Variants in EZH1 observed in about 807,000 individuals in gnomAD.
EZH1 encodes the protein enhancer of zeste 1 polycomb repressive complex 2 subunit, also known as histone-lysine N-methyltransferase EZH1.
A neutral mutation model predicts 100.5 loss-of-function variants in EZH1; 33 were observed. That is an observed-to-expected ratio of 0.33 (90% CI 0.25 to 0.44). The LOEUF is 0.44. EZH1 is among the 20% of genes least tolerant of loss of function. EZH1 has a pLI of 1.00. For missense variants in EZH1, 475 were observed against 928.4 expected, an observed-to-expected ratio of 0.51 and a Z score of 6.35; for synonymous variants, 272 against 313.8, an observed-to-expected ratio of 0.87 and a Z score of 1.41.
chr17:42,714,072 G>A (rs187725163), intron 10 of EZH1, among the ~76,000 whole-genome samples: 1 of 151,354 alleles, frequency 6.6e-6, no homozygotes, highest in Non-Finnish European at 1.5e-5. Flanking sequence ...ACTTAATTTT[G>A]AAACTTCCTC....
intron 1 of EZH1, 111 bp from the exon 2 acceptor site, chr17:42,731,029 T>G: frequency 3.3e-6 from 1 of 302,164 alleles, no homozygotes; most frequent in Non-Finnish European, 4.9e-6. Flanking sequence ...AGGTTTCTCC[T>G]ACTATTTTTG....
rs1327765712 is a variant in EZH1 at position 42,701,185 on chromosome 17, G to A, written c.*1347C>T. The A allele has an allele frequency of 2.6e-5, 4 of 152,796 alleles. No individual in the cohort carries two copies. The highest frequency in any genetic ancestry group is 2.1e-4 in the South Asian group (1 of 4,824). 9.5% of individuals were successfully genotyped at this position (152,796 alleles called of 1,614,324 possible). A position where few individuals can be genotyped will look rare whatever the true frequency, so the allele number is the denominator to read the frequency against. ...TCTCCCAGGAGATGAGACAGGACTG[G>A]AGGAGAATCTCCCACCCTCTCTTCT... On this transcript the variant is annotated 3_prime_UTR_variant, in exon 21 of 21. Transcript: ENST00000428826.
In EZH1 at chr17:42,706,253, A is replaced by C. The variant is rs557567965; in HGVS notation, c.1661-68T>G. The stretch of plus-strand genomic sequence containing the variant: ...AATACTGGGGCTTGTGGTTGACTCA[A>C]GGGACAGCAAAGAAGTAAATTTTTT... On this transcript the variant is annotated intron_variant, in intron 15 of 20. Coordinates refer to ENST00000428826, the MANE Select transcript of EZH1 (RefSeq NM_001991.5). The surrounding 1 kb of genome is among the most constrained non-coding windows in gnomAD (Gnocchi z 4.4). 8.5e-5 allele frequency: 117 copies of C among 1,382,104 alleles called. No homozygotes were observed. Among genetic ancestry groups the C allele is most frequent in the Non-Finnish European group, 1.1e-4 (111 of 1,041,288 alleles). 85.6% of individuals were successfully genotyped at this position (1,382,104 alleles called of 1,614,324 possible).
chr17:42,741,330 G>A (rs370381427), intron 1 of EZH1, among the ~76,000 whole-genome samples: 10 of 151,938 alleles, frequency 6.6e-5, no homozygotes, highest in South Asian at 2.1e-4. Context: ...AGGGATTCTC[G>A]TTCCTCAGCC....
intron 5 of EZH1, among the ~76,000 whole-genome samples, 162 bp downstream of exon 5, chr17:42,724,143 C>T (rs941185463): frequency 2.0e-5 from 3 of 152,158 alleles, no homozygotes; most frequent in Non-Finnish European, 2.9e-5. Context: ...GAACAACTTG[C>T]AATATATATT....
intron 1 of EZH1, among the ~76,000 whole-genome samples, chr17:42,734,684 TAAAG>T (rs561925976): frequency 0.013 from 1,381 of 109,676 alleles, 24 homozygotes; most frequent in African/African-American, 0.045. Flanking sequence ...AAAAAAAAAG[TAAAG>T]AAAGAAAGAA....
At chr17:42,708,790 C>G in intron 14 of EZH1, 86 bp downstream of exon 14, 2 of 1,435,294 alleles carry the variant, frequency 1.4e-6, no homozygotes, top group Non-Finnish European at 2.0e-6. Context: ...ACAGGGTCAA[C>G]AAGTGCAGCT....
intron 5 of EZH1, 121 bp from the exon 6 acceptor site, chr17:42,723,036 CAG>C: frequency 7.2e-7 from 1 of 1,387,946 alleles, no homozygotes; most frequent in Non-Finnish European, 9.6e-7. Flanking sequence ...GCCTTTGTCC[CAG>C]AGTTTCCTGC....
intron 11 of EZH1, 76 bp from the exon 12 acceptor site, chr17:42,712,561 A>C (rs2053504810): frequency 7.3e-7 from 1 of 1,362,828 alleles, no homozygotes; most frequent in Non-Finnish European, 1.0e-6. Context: ...CAAACTCAGA[A>C]GTACTTCATT....
chr17:42,738,451 A>C (rs2054110543), intron 1 of EZH1, among the ~76,000 whole-genome samples: 1 of 149,864 alleles, frequency 6.7e-6, no homozygotes, highest in East Asian at 1.9e-4. Context: ...TATTATTTGT[A>C]TTTATTATTA....
At position 42,712,416 on chromosome 17, in the gene EZH1, A is replaced by G. The variant is rs1481352061; in HGVS notation, c.1274T>C (p.Val425Ala). The change falls in exon 12 of 21, where the codon GTG (valine) becomes GCG (alanine). Residue 425 changes from valine (V) to alanine (A), a missense_variant. Physicochemically the swap from Val to Ala is moderately conservative, Grantham distance 64. Transcript: ENST00000428826. ...TTCCACAGGCTCCGAGGGTGCTTCC[A>G]CTACGCAGAGTTGAGGTGGGGCTGG... ...ASPAPPQLCVVEAPSEPVEWT... is the reference protein window; with the variant it reads ...ASPAPPQLCVAEAPSEPVEWT... The G allele has an allele frequency of 3.1e-6, 5 of 1,614,184 alleles. No homozygotes were observed. The highest frequency in any genetic ancestry group is 4.2e-6 in the Non-Finnish European group (5 of 1,180,022).
chr17:42,724,575 A>G (rs1597849594), intron 4 of EZH1, 151 bp from the exon 5 acceptor site: 1 of 765,790 alleles, frequency 1.3e-6, no homozygotes. Context: ...ACTTGAAGTC[A>G]GTTGGAGACC....
At chr17:42,743,629 C>T (rs978296316) in intron 1 of EZH1, among the ~76,000 whole-genome samples, 1 of 151,194 alleles carries the variant, frequency 6.6e-6, no homozygotes, top group African/African-American at 2.4e-5. Flanking sequence ...GCCACCACAT[C>T]TGGCTATTTT....
At chr17:42,703,341 C>A in intron 19 of EZH1, 3 of 290,954 alleles carry the variant, frequency 1.0e-5, no homozygotes, top group Non-Finnish European at 2.0e-5. Flanking sequence ...CGCCCCCCAG[C>A]TGATTTTTGT....
At chr17:42,734,684 T>TAAAG (rs561925976) in intron 1 of EZH1, among the ~76,000 whole-genome samples, 79 of 109,704 alleles carry the variant, frequency 7.2e-4, no homozygotes, top group African/African-American at 2.7e-3. Flanking sequence ...AAAAAAAAAG[T>TAAAG]AAAGAAAGAA....
chr17:42,722,752 C>G (rs1257682337), intron 6 of EZH1, 43 bp downstream of exon 6: 1 of 1,597,852 alleles, frequency 6.3e-7, no homozygotes, highest in Admixed American at 1.7e-5. Flanking sequence ...AAGAAGAGGC[C>G]TGATTCTAAC....
intron 14 of EZH1, 56 bp downstream of exon 14, chr17:42,708,820 G>A: frequency 1.9e-6 from 3 of 1,586,304 alleles, no homozygotes; most frequent in Non-Finnish European, 2.6e-6. Flanking sequence ...GTAGGGTGAT[G>A]ACCACAGAGT....
chr17:42,714,666 G>A, intron 10 of EZH1: 1 of 249,714 alleles, frequency 4.0e-6, no homozygotes, highest in South Asian at 4.4e-5. Context: ...GTTTTTTTGA[G>A]TAATAAAAAT....
chr17:42,703,943 C>G, intron 18 of EZH1, 123 bp from the exon 19 acceptor site: 1 of 758,234 alleles, frequency 1.3e-6, no homozygotes. Context: ...TGTTGAAGCC[C>G]AGTGTGCTAA....
Sources: allele counts gnomAD v4.1 joint callset (sites outside exome capture counted in the v4.1 genomes callset), GRCh38; gene constraint gnomAD v4.1.1; non-coding constraint Gnocchi (gnomAD v3.1); transcripts MANE v1.5; gene names NCBI Gene and HGNC (gene_info 2026-07-23, HGNC 2026-07-21).